The following IFT80 variants were observed in gnomAD, a reference collection of about 807,000 sequenced individuals.
IFT80 encodes intraflagellar transport protein 80 homolog.
In IFT80, 79 loss-of-function variants were observed where a neutral mutation model predicts 107.9. The ratio of observed to expected loss-of-function variants is 0.73; its 90% CI spans 0.61 to 0.88. The LOEUF is 0.88. Ranked by LOEUF, IFT80 falls within the 40% of genes least tolerant of loss-of-function variation. The pLI is 0.00. For missense variants in IFT80, 797 were observed against 914.2 expected, an observed-to-expected ratio of 0.87 and a Z score of 1.65; for synonymous variants, 299 against 300.9, an observed-to-expected ratio of 0.99 and a Z score of 0.07.
At chr3:160,369,547 G>A (rs561660276) in intron 5 of IFT80, among the ~76,000 whole-genome samples, 24 of 151,754 alleles carry the variant, frequency 1.6e-4, no homozygotes, top group Admixed American at 4.6e-4. Context: ...TATTAAAAGT[G>A]GAAGAATCAG....
At chr3:160,280,386 C>T (rs1404687393) in intron 15 of IFT80, among the ~76,000 whole-genome samples, 2 of 152,164 alleles carry the variant, frequency 1.3e-5, no homozygotes, top group East Asian at 3.9e-4. Flanking sequence ...AGACTAAAAT[C>T]ACTTGATCAC....
chr3:160,270,962 T>C (rs931867251), intron 18 of IFT80, among the ~76,000 whole-genome samples: 3 of 152,180 alleles, frequency 2.0e-5, no homozygotes, highest in Non-Finnish European at 4.4e-5. Context: ...AAATTCCGAA[T>C]GAGATACTAT....
chr3:160,279,330 C>G lies in IFT80; in HGVS notation c.1699G>C (p.Val567Leu). 6.2e-7 allele frequency: 1 copy of G among 1,612,664 alleles called. No homozygotes were observed. The highest frequency in any genetic ancestry group is 8.5e-7 in the Non-Finnish European group (1 of 1,179,066). ...FSKNPHIVSFVGNQVTIRRAD... is the reference protein window; with the variant it reads ...FSKNPHIVSFLGNQVTIRRAD... ...CTTCTAATAGTTACTTGATTTCCAA[C>G]AAAACTCACAATATGGGGATTTTTA... The change falls in exon 16 of 20, where the codon GTT (valine) becomes CTT (leucine). Residue 567 changes from valine (V) to leucine (L), a missense_variant. Val to Leu is a conservative substitution (Grantham distance 32). Coordinates refer to ENST00000326448, the MANE Select transcript of IFT80 (RefSeq NM_020800.3).
intron 8 of IFT80, among the ~76,000 whole-genome samples, chr3:160,327,734 C>T (rs547194247): frequency 6.6e-6 from 1 of 152,032 alleles, no homozygotes; most frequent in Admixed American, 6.6e-5. Flanking sequence ...CTATAAATAC[C>T]CTAGAAGAAA....
intron 5 of IFT80, among the ~76,000 whole-genome samples, chr3:160,373,858 A>G (rs1031667079): frequency 1.3e-5 from 2 of 152,174 alleles, no homozygotes; most frequent in African/African-American, 4.8e-5. Flanking sequence ...ACAGCTGTAA[A>G]TACAGATAAA....
Position 160,330,406 on chromosome 3 carries a change from T to A in IFT80, c.778-10467A>T, listed in dbSNP as rs938041301. Among the ~76,000 whole-genome samples, 4 of 152,338 alleles carry A rather than the reference T, an allele frequency of 2.6e-5. No homozygotes were observed. The South Asian group carries it at 8.3e-4, about 32-fold the overall frequency. On this transcript the variant is annotated intron_variant, in intron 8 of 19. Transcript: ENST00000326448. ...TAACTATTAACACAATTATACAACC[T>A]TTTCTTAGCCTCTAAACCAGCTTCT... is the stretch of plus-strand genomic sequence containing the variant.
chr3:160,375,165 A>T (rs1478288453), intron 5 of IFT80, among the ~76,000 whole-genome samples: 2 of 152,206 alleles, frequency 1.3e-5, no homozygotes, highest in African/African-American at 2.4e-5. Flanking sequence ...TCAGGTAAAC[A>T]TTAAAACTGC....
rs1016225821 is a variant in IFT80, at chr3:160,334,480, G to C, written c.778-14541C>G. ...TGCTCAGGCTGGAGTGCAGTGGCAC[G>C]ATCTCAGCTCACTGCAACCTCCGCC... On this transcript the variant is annotated intron_variant, in intron 8 of 19. Transcript: ENST00000326448. Among the ~76,000 whole-genome samples, 3 of 149,138 alleles carry C rather than the reference G, an allele frequency of 2.0e-5. No homozygotes were observed. The South Asian group carries it at 6.3e-4, about 31-fold the overall frequency.
At chr3:160,317,986 T>C (rs556359479) in intron 9 of IFT80, among the ~76,000 whole-genome samples, 1 of 151,484 alleles carries the variant, frequency 6.6e-6, no homozygotes, top group African/African-American at 2.4e-5. Context: ...ATTATTATTA[T>C]TATATAATAT....
At chr3:160,288,425 A>G (rs1391732443) in intron 12 of IFT80, among the ~76,000 whole-genome samples, 2 of 152,240 alleles carry the variant, frequency 1.3e-5, no homozygotes, top group Non-Finnish European at 2.9e-5. Flanking sequence ...GGACATGGGA[A>G]CAAGGAAAGA....
At chr3:160,363,670 A>G (rs1721657467) in intron 6 of IFT80, among the ~76,000 whole-genome samples, 1 of 152,222 alleles carries the variant, frequency 6.6e-6, no homozygotes, top group Non-Finnish European at 1.5e-5. Context: ...ATACACAGCA[A>G]TGGAACAGAA....
At chr3:160,269,448 T>G (rs1325133749) in intron 18 of IFT80, among the ~76,000 whole-genome samples, 1 of 152,206 alleles carries the variant, frequency 6.6e-6, no homozygotes, top group African/African-American at 2.4e-5. Flanking sequence ...TTTTGCCATC[T>G]GAGTCTCAGG....
chr3:160,335,135 C>CA (rs1048712183), intron 8 of IFT80, among the ~76,000 whole-genome samples: 10 of 149,634 alleles, frequency 6.7e-5, no homozygotes, highest in East Asian at 1.9e-4. Context: ...TTTAATTAGC[C>CA]AAAAAAATCC....
At chr3:160,390,570 T>C (rs1713307986) in intron 1 of IFT80, among the ~76,000 whole-genome samples, 1 of 152,154 alleles carries the variant, frequency 6.6e-6, no homozygotes, top group African/African-American at 2.4e-5. Context: ...ACTTAGATGG[T>C]GAAGAACTAA....
chr3:160,383,992 C>A (rs1576901084), intron 2 of IFT80: 1 of 965,096 alleles, frequency 1.0e-6, no homozygotes, highest in Non-Finnish European at 1.2e-6. Flanking sequence ...TGCCTGTAAT[C>A]CCAGCACTTT....
chr3:160,304,063 C>T, intron 10 of IFT80, 74 bp from the exon 11 acceptor site: 1 of 977,526 alleles, frequency 1.0e-6, no homozygotes, highest in East Asian at 2.6e-5. Context: ...GATTGGTATT[C>T]ATTTTAAATA....
chr3:160,261,134 C>G (rs910412861), intron 19 of IFT80, among the ~76,000 whole-genome samples: 12 of 152,068 alleles, frequency 7.9e-5, no homozygotes, highest in African/African-American at 2.9e-4. Flanking sequence ...TCTATGCTGT[C>G]TTCTCCCTGC....
In IFT80 at chr3:160,258,377, TC is replaced by T; in HGVS notation, c.*147del. 1.1e-6 allele frequency: 1 copy of T among 931,830 alleles called. No individual in the cohort carries two copies. Among genetic ancestry groups the T allele is most frequent in the South Asian group, 1.6e-5 (1 of 63,940 alleles). The allele number at this position is 931,830 out of a possible 1,614,324, so 57.7% of individuals were successfully genotyped here. A position where few individuals can be genotyped will look rare whatever the true frequency, so the allele number is the denominator to read the frequency against. On this transcript the variant is annotated 3_prime_UTR_variant, in exon 20 of 20. Transcript: ENST00000326448. Reference sequence around the variant, plus strand: ...CATCAATTACTTTGTGTTTCATCTTTCTGCATGTACTTTTACACTAAATACA... The same window carrying T: ...CATCAATTACTTTGTGTTTCATCTTTTGCATGTACTTTTACACTAAATACA...
chr3:160,385,819 A>T (rs1712889351), intron 1 of IFT80, among the ~76,000 whole-genome samples: 1 of 152,208 alleles, frequency 6.6e-6, no homozygotes, highest in African/African-American at 2.4e-5. Context: ...AGGGGAAAAA[A>T]GACTAATAAC....
Sources: allele counts gnomAD v4.1 joint callset (sites outside exome capture counted in the v4.1 genomes callset), GRCh38; gene constraint gnomAD v4.1.1; transcripts MANE v1.5; gene names NCBI Gene and HGNC (gene_info 2026-07-23, HGNC 2026-07-21).